CHM: variants seen among roughly 807,000 people sequenced by gnomAD.
CHM encodes the protein CHM Rab escort protein, also known as rab proteins geranylgeranyltransferase component A 1.
In CHM, 10 loss-of-function variants were observed where a neutral mutation model predicts 49.0. That is an observed-to-expected ratio of 0.20 (90% CI 0.13 to 0.35). The LOEUF (loss-of-function observed/expected upper bound fraction) is 0.35, where lower values mean the gene tolerates loss of function less well. Ranked by LOEUF, CHM falls within the 10% of genes least tolerant of loss-of-function variation. The probability of loss-of-function intolerance (pLI) is 1.00; values close to 1 mark genes in which losing one functional copy is unlikely to be tolerated. For missense variants in CHM, 455 were observed against 478.4 expected, an observed-to-expected ratio of 0.95 and a Z score of 0.46; for synonymous variants, 184 against 167.5, an observed-to-expected ratio of 1.10 and a Z score of -0.76.
chrX:86,000,009 C>T (rs1226839059), intron 2 of CHM, among the ~76,000 whole-genome samples: 1 of 111,298 alleles, frequency 9.0e-6, no homozygotes, highest in Non-Finnish European at 1.9e-5. Flanking sequence ...TACATGCAAA[C>T]AATAGCAAAA....
intron 1 of CHM, among the ~76,000 whole-genome samples, chrX:86,040,525 T>C (rs1234961065): frequency 8.9e-6 from 1 of 112,078 alleles, no homozygotes; most frequent in Non-Finnish European, 1.9e-5. Flanking sequence ...GTCAGGAAAA[T>C]ATCCTGCTTC....
intron 8 of CHM, among the ~76,000 whole-genome samples, chrX:85,934,673 C>T (rs780993757): frequency 3.6e-5 from 4 of 110,470 alleles, no homozygotes; most frequent in South Asian, 7.8e-4. Flanking sequence ...TTTCCTTAAT[C>T]CAGTCTATCA....
intron 8 of CHM, among the ~76,000 whole-genome samples, chrX:85,915,349 C>A (rs1426665918): frequency 1.8e-5 from 2 of 111,994 alleles, no homozygotes; most frequent in African/African-American, 6.5e-5. Flanking sequence ...CAATATCATG[C>A]TGAATGGGCA....
chrX:85,873,698 A>C (rs1048532182), intron 13 of CHM, among the ~76,000 whole-genome samples: 15 of 111,104 alleles, frequency 1.4e-4, no homozygotes, highest in African/African-American at 4.9e-4. Flanking sequence ...AAATGTTCTA[A>C]AACTGATGGT....
intron 5 of CHM, among the ~76,000 whole-genome samples, chrX:85,962,795 T>C: frequency 8.9e-6 from 1 of 111,884 alleles, no homozygotes. Flanking sequence ...GCACTAAAAA[T>C]AGTCTTGCTT....
chrX:85,927,307 T>C (rs1466854541), intron 8 of CHM, among the ~76,000 whole-genome samples: 2 of 111,832 alleles, frequency 1.8e-5, no homozygotes, highest in Non-Finnish European at 3.8e-5. Context: ...GTAGTTAGTA[T>C]CACCAGCTAG....
In CHM at chrX:85,992,217, C is replaced by T. The variant is rs1361936624; in HGVS notation, c.117-10408G>A. ...ATGAAATCTAGTTTTTATTTTGTTA[C>T]CCCAATTCATCTGGATAATAATTCC... is the stretch of plus-strand genomic sequence containing the variant. On this transcript the variant is annotated intron_variant, in intron 2 of 14. Transcript: ENST00000357749. Among the ~76,000 whole-genome samples, 31 of 111,675 alleles carry T rather than the reference C, an allele frequency of 2.8e-4. No individual in the cohort carries two copies. The Admixed American group carries it at 3.0e-3, about 11-fold the overall frequency.
At chrX:85,911,766 C>T (rs1309466643) in intron 8 of CHM, among the ~76,000 whole-genome samples, 2 of 111,328 alleles carry the variant, frequency 1.8e-5, no homozygotes, top group Non-Finnish European at 3.8e-5. Context: ...ATTTTACTTA[C>T]AATAAATGTA....
At chrX:85,981,902 C>G in intron 2 of CHM, 93 bp from the exon 3 acceptor site, 2 of 689,138 alleles carry the variant, frequency 2.9e-6, no homozygotes, top group Non-Finnish European at 4.3e-6. Context: ...AACCCTTAAA[C>G]TTACTTCACT....
chrX:85,971,684 G>A (rs1485072600), intron 4 of CHM: 1 of 187,938 alleles, frequency 5.3e-6, no homozygotes, highest in East Asian at 2.0e-4. Context: ...CTGCTGGCTG[G>A]GCAGCCTGCT....
At chrX:86,026,794 A>C (rs1252245674) in intron 2 of CHM, among the ~76,000 whole-genome samples, 1 of 112,070 alleles carries the variant, frequency 8.9e-6, no homozygotes, top group Non-Finnish European at 1.9e-5. Context: ...AATATCTAAC[A>C]GAAAATAAAA....
At chrX:86,011,161 C>T (rs1372324337) in intron 2 of CHM, among the ~76,000 whole-genome samples, 2 of 111,255 alleles carry the variant, frequency 1.8e-5, no homozygotes, top group Non-Finnish European at 3.8e-5. Flanking sequence ...GACATGATCC[C>T]CCATCTTTAA....
chrX:86,044,227 T>C (rs1245879909), intron 1 of CHM, among the ~76,000 whole-genome samples: 2 of 111,733 alleles, frequency 1.8e-5, no homozygotes, highest in African/African-American at 6.5e-5. Flanking sequence ...AAATGAGTAT[T>C]TGTCACTACA....
rs200318878 is a variant in CHM, at chrX:85,949,978, AATATATAT to A, written c.1166+6167_1166+6174del. ...CTTTGAGCAATAAACACTGAAATTAAATATATATATATATATATATATATATATATATC... is the reference window on the plus strand; with the variant it reads ...CTTTGAGCAATAAACACTGAAATTAAATATATATATATATATATATATATC... On this transcript the variant is annotated intron_variant, in intron 8 of 14. Transcript: ENST00000357749. Among the ~76,000 whole-genome samples the A allele has an allele frequency of 6.1e-3, 260 of 42,787 alleles. 12 individuals are homozygous for A. The highest frequency in any genetic ancestry group is 0.055 in the Middle Eastern group (3 of 55). 37.2% of individuals were successfully genotyped at this position (42,787 alleles called of 115,157 possible).
intron 8 of CHM, among the ~76,000 whole-genome samples, chrX:85,944,653 A>G (rs1929305604): frequency 8.9e-6 from 1 of 112,255 alleles, no homozygotes; most frequent in Admixed American, 9.5e-5. Context: ...GAGGCTGCAG[A>G]GAAAAGGGAA....
intron 2 of CHM, among the ~76,000 whole-genome samples, chrX:85,999,147 A>G (rs1014175907): frequency 2.2e-4 from 24 of 111,591 alleles, no homozygotes; most frequent in African/African-American, 7.8e-4. Flanking sequence ...ACTGACAGAC[A>G]TATAACAATG....
chrX:85,981,880 C>G (rs1931640922), intron 2 of CHM, 71 bp from the exon 3 acceptor site: 1 of 818,483 alleles, frequency 1.2e-6, no homozygotes, highest in African/African-American at 2.2e-5. Context: ...TCTTCATCAA[C>G]AAACCATCTT....
chrX:86,026,212 G>A (rs766773759), intron 2 of CHM, among the ~76,000 whole-genome samples: 1 of 90,655 alleles, frequency 1.1e-5, no homozygotes, highest in African/African-American at 4.2e-5. Flanking sequence ...CTCCACCACC[G>A]GACCAAGTTC....
At chrX:85,920,761 G>A (rs1927747391) in intron 8 of CHM, among the ~76,000 whole-genome samples, 1 of 111,726 alleles carries the variant, frequency 9.0e-6, no homozygotes. Flanking sequence ...CAAGTGATTT[G>A]GTCTCAGAGG....
Sources: gnomAD v4.1 joint callset for allele counts (sites outside exome capture counted in the v4.1 genomes callset) on GRCh38, gnomAD v4.1.1 for gene constraint, MANE v1.5 for transcripts, NCBI Gene and HGNC (gene_info 2026-07-23, HGNC 2026-07-21) for gene names.